KLF12: variants seen among roughly 807,000 people sequenced by gnomAD.
KLF12 encodes the protein KLF transcription factor 12.
KLF12 carries 9 observed loss-of-function variants against 37.8 expected under a neutral mutation model. The ratio of observed to expected loss-of-function variants is 0.24; its 90% CI spans 0.14 to 0.42. KLF12 has a LOEUF of 0.42. KLF12 is among the 10% of genes least tolerant of loss of function. The probability of loss-of-function intolerance (pLI) is 1.00; values close to 1 mark genes in which losing one functional copy is unlikely to be tolerated. For missense variants in KLF12, 411 were observed against 516.0 expected, an observed-to-expected ratio of 0.80 and a Z score of 1.97; for synonymous variants, 208 against 202.1, an observed-to-expected ratio of 1.03 and a Z score of -0.25.
the KLF12 span, among the ~76,000 whole-genome samples, chr13:74,299,214 A>C: frequency 1.3e-5 from 2 of 152,116 alleles, no homozygotes; most frequent in African/African-American, 4.8e-5. Flanking sequence ...GAGCGGGGAG[A>C]AGTGGAGGTC....
the KLF12 span, among the ~76,000 whole-genome samples, chr13:74,171,946 G>A: frequency 1.3e-5 from 2 of 152,170 alleles, no homozygotes; most frequent in Non-Finnish European, 2.9e-5. Flanking sequence ...TACTCTCAGA[G>A]TGAGCATAAC....
chr13:73,812,998 C>G (rs1156770850), intron 5 of KLF12, 154 bp downstream of exon 5: 2 of 717,390 alleles, frequency 2.8e-6, no homozygotes, highest in East Asian at 2.7e-5. Context: ...CTGCCCTAAT[C>G]TCCCAAAGAG....
At position 73,695,276 on chromosome 13, in the gene KLF12, G is replaced by A. The variant is rs1874057857; in HGVS notation, c.*214C>T. 1.9e-6 allele frequency: 1 copy of A among 528,442 alleles called. No individual in the cohort carries two copies. Among genetic ancestry groups the A allele is most frequent in the Non-Finnish European group, 3.4e-6 (1 of 296,752 alleles). The allele number at this position is 528,442 out of a possible 1,614,324, so 32.7% of individuals were successfully genotyped here. A position where few individuals can be genotyped will look rare whatever the true frequency, so the allele number is the denominator to read the frequency against. On this transcript the variant is annotated 3_prime_UTR_variant, in exon 8 of 8. Coordinates refer to ENST00000377669, the MANE Select transcript of KLF12 (RefSeq NM_007249.5). ...GTCTCTTCAGCATTTATGTCACTGAGCTCCCAGGCCCGGGTAAAGACGGTT... is the reference window on the plus strand; with the variant it reads ...GTCTCTTCAGCATTTATGTCACTGAACTCCCAGGCCCGGGTAAAGACGGTT...
chr13:74,037,931 A>T (rs903847333), intron 1 of KLF12, among the ~76,000 whole-genome samples: 4 of 152,158 alleles, frequency 2.6e-5, no homozygotes, highest in Admixed American at 2.6e-4. Context: ...TCCTGTTATG[A>T]GGGGTCAGGG....
At chr13:74,095,719 T>A (rs1324351244) in intron 1 of KLF12, among the ~76,000 whole-genome samples, 1 of 152,236 alleles carries the variant, frequency 6.6e-6, no homozygotes, top group African/African-American at 2.4e-5. Context: ...GAAATGTTTA[T>A]GTGTGGCATT....
chr13:73,701,064 G>A (rs1237635219), intron 7 of KLF12, among the ~76,000 whole-genome samples: 1 of 152,126 alleles, frequency 6.6e-6, no homozygotes, highest in East Asian at 1.9e-4. Flanking sequence ...TTAAAAACTT[G>A]CTAGAAAATA....
At chr13:73,728,557 T>A (rs749293992) in intron 6 of KLF12, among the ~76,000 whole-genome samples, 2 of 152,262 alleles carry the variant, frequency 1.3e-5, no homozygotes, top group Non-Finnish European at 2.9e-5. Context: ...ATGTTAGACA[T>A]GAGTTTTTCA....
chr13:74,162,614 C>T, the KLF12 span, among the ~76,000 whole-genome samples: 268 of 152,296 alleles, frequency 1.8e-3, no homozygotes, highest in Non-Finnish European at 2.8e-3. Flanking sequence ...TTCTCTCCTT[C>T]GTTGCTCTCT....
intron 3 of KLF12, among the ~76,000 whole-genome samples, chr13:73,939,906 C>T (rs552185756): frequency 3.9e-5 from 6 of 152,158 alleles, no homozygotes; most frequent in African/African-American, 1.4e-4. Flanking sequence ...CTCTGTCTCA[C>T]CCCTTGCTCC....
intron 2 of KLF12, among the ~76,000 whole-genome samples, chr13:73,973,257 T>C (rs1288039462): frequency 1.3e-5 from 2 of 152,288 alleles, no homozygotes; most frequent in Admixed American, 6.5e-5. Context: ...ATCTGTGCAA[T>C]AGGGCTCTTA....
intron 3 of KLF12, among the ~76,000 whole-genome samples, chr13:73,874,822 C>T (rs1053926752): frequency 4.6e-5 from 7 of 152,158 alleles, no homozygotes; most frequent in African/African-American, 1.7e-4. Context: ...TTTTCACTTA[C>T]AGGTTTTAAG....
At chr13:74,295,230 C>T in the KLF12 span, among the ~76,000 whole-genome samples, 7 of 152,172 alleles carry the variant, frequency 4.6e-5, no homozygotes, top group African/African-American at 1.7e-4. Context: ...CCTCCCTCTT[C>T]CTTTCCTTTC....
intron 5 of KLF12, among the ~76,000 whole-genome samples, chr13:73,770,077 A>G (rs1269020509): frequency 6.6e-6 from 1 of 152,244 alleles, no homozygotes; most frequent in African/African-American, 2.4e-5. Context: ...TAAACATAAT[A>G]CATACTTTAA....
chr13:73,970,451 G>A (rs1408266509), intron 2 of KLF12, among the ~76,000 whole-genome samples: 1 of 151,952 alleles, frequency 6.6e-6, no homozygotes. Context: ...CGACATAGCT[G>A]AGAAAACTGC....
At chr13:74,196,317 A>G in the KLF12 span, among the ~76,000 whole-genome samples, 1 of 152,166 alleles carries the variant, frequency 6.6e-6, no homozygotes, top group Non-Finnish European at 1.5e-5. Flanking sequence ...AATGGGGAGC[A>G]CCAGCAGGAG....
intron 6 of KLF12, among the ~76,000 whole-genome samples, chr13:73,755,870 A>G (rs1227543863): frequency 6.6e-6 from 1 of 151,950 alleles, no homozygotes; most frequent in African/African-American, 2.4e-5. Context: ...TCCATTCCTG[A>G]GTTACTTCAC....
At chr13:74,201,325 G>T in the KLF12 span, among the ~76,000 whole-genome samples, 61 of 152,134 alleles carry the variant, frequency 4.0e-4, no homozygotes, top group African/African-American at 1.3e-3. Flanking sequence ...TCCTCTTGTT[G>T]TAATGTAAGG....
At chr13:74,270,994 A>G in the KLF12 span, among the ~76,000 whole-genome samples, 1 of 152,148 alleles carries the variant, frequency 6.6e-6, no homozygotes, top group Middle Eastern at 3.2e-3. Flanking sequence ...ACTGGGCCGC[A>G]CAGAAGGAGG....
chr13:74,250,104 A>C, the KLF12 span, among the ~76,000 whole-genome samples: 1 of 152,172 alleles, frequency 6.6e-6, no homozygotes, highest in Non-Finnish European at 1.5e-5. Context: ...AAGACACAAC[A>C]AAAGGGCCAA....
Sources: allele counts gnomAD v4.1 joint callset (sites outside exome capture counted in the v4.1 genomes callset), GRCh38; gene constraint gnomAD v4.1.1; transcripts MANE v1.5; gene names NCBI Gene and HGNC (gene_info 2026-07-23, HGNC 2026-07-21).